Variants in NEIL2 observed in about 807,000 individuals in gnomAD.
The protein encoded by NEIL2 is nei like DNA glycosylase 2, also known as endonuclease 8-like 2.
In NEIL2, 23 loss-of-function variants were observed where a neutral mutation model predicts 22.2. The ratio of observed to expected loss-of-function variants is 1.04; its 90% CI spans 0.75 to 1.47. The LOEUF is 1.47. NEIL2 is among the 40% of genes most tolerant of loss of function. NEIL2 has a pLI of 0.00. For missense variants in NEIL2, 583 were observed against 404.7 expected (o/e 1.44, Z -3.78); for synonymous variants, 229 against 164.8 (o/e 1.39, Z -2.99).
chr8:11,786,403 T>C lies in NEIL2; in HGVS notation c.*130T>C. 1 of 896,538 alleles carries C rather than the reference T, an allele frequency of 1.1e-6. No individual in the cohort carries two copies. Among genetic ancestry groups the C allele is most frequent in the Non-Finnish European group, 1.8e-6 (1 of 554,004 alleles). 55.5% of individuals were successfully genotyped at this position (896,538 alleles called of 1,614,324 possible). ...GGTCAGAGGTGCCAGTAGTATAATA[T>C]TCGTCTCCCTGGAGTTATGTTGAAG... On this transcript the variant is annotated 3_prime_UTR_variant, in exon 5 of 5. Transcript: ENST00000284503.
chr8:11,782,534 A>G (rs1174508966), intron 3 of NEIL2: 1 of 164,176 alleles, frequency 6.1e-6, no homozygotes, highest in African/African-American at 2.4e-5. Flanking sequence ...ACATTAGCCT[A>G]CAGTTGGGCA....
At chr8:11,783,515 G>T (rs1227034586) in intron 4 of NEIL2, 116 bp downstream of exon 4, 1 of 827,996 alleles carries the variant, frequency 1.2e-6, no homozygotes, top group Non-Finnish European at 2.1e-6. Context: ...TGGTTTTGAG[G>T]TGCCACTTGC....
At chr8:11,771,297 C>A in intron 1 of NEIL2, 149 bp from the exon 2 acceptor site, 1 of 943,118 alleles carries the variant, frequency 1.1e-6, no homozygotes, top group Non-Finnish European at 1.7e-6. Flanking sequence ...ATCTGACCGC[C>A]TCCCAGCCAC....
Position 11,769,783 on chromosome 8 carries a change from C to T in NEIL2, c.-555C>T, listed in dbSNP as rs1276373075. 6.6e-6 allele frequency: 1 copy of T among 152,352 alleles called. No homozygotes were observed. 9.4% of individuals were successfully genotyped at this position (152,352 alleles called of 1,614,324 possible). On this transcript the variant is annotated 5_prime_UTR_variant, in exon 1 of 5. Transcript: ENST00000284503. The stretch of plus-strand genomic sequence containing the variant: ...TGGGTCGGGCCGACGTGCCACCCAC[C>T]CGGAGCCGGTGAGTGCAGCCGCCCG...
intron 3 of NEIL2, 163 bp from the exon 4 acceptor site, chr8:11,783,040 G>A (rs914202748): frequency 8.5e-6 from 6 of 704,030 alleles, no homozygotes; most frequent in African/African-American, 3.5e-5. Flanking sequence ...CTGTGGTAAC[G>A]ATGTGGGGAT....
chr8:11,774,005 G>A (rs1041571359), intron 2 of NEIL2, among the ~76,000 whole-genome samples: 4 of 152,178 alleles, frequency 2.6e-5, no homozygotes, highest in African/African-American at 9.6e-5. Flanking sequence ...CGCAATTATG[G>A]CAGTAGGCGA....
chr8:11,776,644 A>G (rs1446135664), intron 2 of NEIL2, among the ~76,000 whole-genome samples: 1 of 152,144 alleles, frequency 6.6e-6, no homozygotes, highest in African/African-American at 2.4e-5. Context: ...GCACCATTTT[A>G]TCATCCCACC....
At chr8:11,782,669 T>G (rs1804526012) in intron 3 of NEIL2, 1 of 196,850 alleles carries the variant, frequency 5.1e-6, no homozygotes, top group Admixed American at 5.3e-5. Flanking sequence ...TGTGCATTGA[T>G]TTTGTACCAT....
Position 11,783,359 on chromosome 8 carries a change from C to G in NEIL2, c.648C>G (p.Val216=). Residue 216 remains valine (V), a synonymous_variant, in exon 4 of 5, where the codon GTC becomes GTG. Transcript: ENST00000284503. ...ALEALGQAQP[V]CYTLLDQRYF... ...AAGCTCTAGGCCAGGCTCAGCCTGT[C>G]TGCTATACACTGCTGGACCAGAGAT... 4 of 1,614,182 alleles carry G rather than the reference C, an allele frequency of 2.5e-6. No individual in the cohort carries two copies. Among genetic ancestry groups the G allele is most frequent in the South Asian group, 1.1e-5 (1 of 91,076 alleles).
chr8:11,779,091 A>G (rs1455366837), intron 2 of NEIL2, among the ~76,000 whole-genome samples: 1 of 151,936 alleles, frequency 6.6e-6, no homozygotes, highest in Non-Finnish European at 1.5e-5. Flanking sequence ...TCACTGATCA[A>G]TTTTTGTTTC....
At chr8:11,785,163 T>C (rs1428968430) in intron 4 of NEIL2, among the ~76,000 whole-genome samples, 1 of 150,694 alleles carries the variant, frequency 6.6e-6, no homozygotes, top group Non-Finnish European at 1.5e-5. Flanking sequence ...TGTGCCACTG[T>C]GCCTAGCTAT....
At chr8:11,781,374 T>C (rs997400135) in intron 3 of NEIL2, among the ~76,000 whole-genome samples, 2 of 152,192 alleles carry the variant, frequency 1.3e-5, no homozygotes, top group Non-Finnish European at 1.5e-5. Flanking sequence ...GTTTTCTCCT[T>C]AGACCAGCAG....
chr8:11,779,106 T>C (rs1804164559), intron 2 of NEIL2, among the ~76,000 whole-genome samples: 1 of 152,148 alleles, frequency 6.6e-6, no homozygotes, highest in Non-Finnish European at 1.5e-5. Context: ...TGTTTCAGTA[T>C]CTAATTTTTA....
chr8:11,777,259 C>T (rs1233642112), intron 2 of NEIL2, among the ~76,000 whole-genome samples: 2 of 152,032 alleles, frequency 1.3e-5, no homozygotes, highest in African/African-American at 4.8e-5. Context: ...TCCCAAAGTG[C>T]AGGGATTACA....
chr8:11,775,892 C>A (rs1309487211), intron 2 of NEIL2, among the ~76,000 whole-genome samples: 1 of 152,228 alleles, frequency 6.6e-6, no homozygotes, highest in African/African-American at 2.4e-5. Context: ...CAAAGCCATT[C>A]AACAAGTATC....
intron 3 of NEIL2, chr8:11,782,847 T>C (rs1275311342): frequency 2.9e-6 from 1 of 342,700 alleles, no homozygotes; most frequent in African/African-American, 2.4e-5. Flanking sequence ...TGTAACGATG[T>C]GGGGATGTGT....
At chr8:11,771,369 G>A in intron 1 of NEIL2, 77 bp from the exon 2 acceptor site, 2 of 1,582,364 alleles carry the variant, frequency 1.3e-6, no homozygotes, top group East Asian at 2.2e-5. Context: ...CGGCATGGAG[G>A]ATGCTTGGCA....
intron 3 of NEIL2, 57 bp downstream of exon 3, chr8:11,780,007 G>A: frequency 1.3e-6 from 2 of 1,487,056 alleles, no homozygotes; most frequent in South Asian, 2.3e-5. Context: ...GCCCTGCTTG[G>A]TGGGGTTTGG....
chr8:11,784,818 G>A (rs562255759), intron 4 of NEIL2, among the ~76,000 whole-genome samples: 44 of 150,936 alleles, frequency 2.9e-4, no homozygotes, highest in African/African-American at 1.0e-3. Context: ...AAAATAATAA[G>A]ATAACAGCTC....
Sources: gnomAD v4.1 joint callset for allele counts (sites outside exome capture counted in the v4.1 genomes callset) on GRCh38, gnomAD v4.1.1 for gene constraint, MANE v1.5 for transcripts, NCBI Gene and HGNC (gene_info 2026-07-23, HGNC 2026-07-21) for gene names.